The following NHEJ1 variants were observed in gnomAD, a reference collection of about 807,000 sequenced individuals.
NHEJ1 encodes the protein non-homologous end joining factor 1.
NHEJ1 carries 22 observed loss-of-function variants against 39.4 expected under a neutral mutation model. The observed-to-expected ratio is 0.56, with a 90% CI of 0.40 to 0.80. NHEJ1 has a LOEUF of 0.80. NHEJ1 is among the 30% of genes least tolerant of loss of function. The pLI, the probability that NHEJ1 is intolerant of heterozygous loss-of-function variation, is 0.00. For synonymous variants in NHEJ1, 154 were observed against 135.6 expected (o/e 1.14, Z -0.94); for missense variants, 329 against 357.1 (o/e 0.92, Z 0.63).
chr2:219,086,724 G>A (rs1232729112), intron 5 of NHEJ1, among the ~76,000 whole-genome samples: 1 of 152,064 alleles, frequency 6.6e-6, no homozygotes, highest in Non-Finnish European at 1.5e-5. Context: ...TAATGGTAAA[G>A]GGAGTGGAAG....
chr2:219,077,352 G>T lies in NHEJ1; in HGVS notation c.719C>A (p.Thr240Asn), dbSNP rs750621311. 6.2e-7 allele frequency: 1 copy of T among 1,613,104 alleles called. No homozygotes were observed. Among genetic ancestry groups the T allele is most frequent in the Non-Finnish European group, 8.5e-7 (1 of 1,179,066 alleles). ...TCCTTGCAGGGAAGCACTGTTTGAG[G>T]TATGAGGATCTCCTGAAATCAGAAA... ...QKHQGAGDPHTSNSASLQGID... is the reference protein window; with the variant it reads ...QKHQGAGDPHNSNSASLQGID... Residue 240 changes from threonine (T) to asparagine (N), a missense_variant, in exon 7 of 8, where the codon ACC becomes AAC. Transcript: ENST00000356853.
At chr2:219,092,066 G>C (rs774156705) in intron 5 of NHEJ1, among the ~76,000 whole-genome samples, 42 of 152,174 alleles carry the variant, frequency 2.8e-4, no homozygotes, top group Non-Finnish European at 4.1e-4. Context: ...ACAGGTCTAT[G>C]TACAGTCTGC....
At chr2:219,079,964 G>A (rs540432277) in intron 5 of NHEJ1, among the ~76,000 whole-genome samples, 1 of 152,306 alleles carries the variant, frequency 6.6e-6, no homozygotes, top group South Asian at 2.1e-4. Context: ...GGCAGAATGA[G>A]GCAGTCCAGA....
At chr2:219,098,473 A>G (rs1455607953) in intron 5 of NHEJ1, among the ~76,000 whole-genome samples, 1 of 152,246 alleles carries the variant, frequency 6.6e-6, no homozygotes, top group African/African-American at 2.4e-5. Flanking sequence ...AGACAGAGGC[A>G]TGGCTACTTT....
chr2:219,118,053 A>C (rs1949432640), intron 5 of NHEJ1, among the ~76,000 whole-genome samples: 1 of 152,008 alleles, frequency 6.6e-6, no homozygotes, highest in Admixed American at 6.6e-5. Flanking sequence ...CCACTGTTTG[A>C]TCTCCTGGCT....
At chr2:219,157,725 G>T in intron 2 of NHEJ1, 41 bp from the exon 3 acceptor site, 1 of 1,523,686 alleles carries the variant, frequency 6.6e-7, no homozygotes, top group South Asian at 1.2e-5. Flanking sequence ...GTGCTAAAAG[G>T]AAACTAATTC....
chr2:219,126,250 T>A (rs998107165), intron 5 of NHEJ1, among the ~76,000 whole-genome samples: 1 of 152,220 alleles, frequency 6.6e-6, no homozygotes, highest in African/African-American at 2.4e-5. Flanking sequence ...TAAGATAGCA[T>A]GGGATAATGG....
intron 5 of NHEJ1, among the ~76,000 whole-genome samples, chr2:219,134,948 G>A (rs537232827): frequency 1.3e-5 from 2 of 149,608 alleles, no homozygotes; most frequent in East Asian, 3.9e-4. Flanking sequence ...GCTGAGGCAG[G>A]AGAATTGCTT....
At chr2:219,140,205 A>G (rs1472995314) in intron 5 of NHEJ1, among the ~76,000 whole-genome samples, 3 of 152,216 alleles carry the variant, frequency 2.0e-5, no homozygotes, top group African/African-American at 4.8e-5. Context: ...CAGTGGAGTG[A>G]ATGAGGGAGG....
At chr2:219,152,098 G>T (rs1192832259) in intron 3 of NHEJ1, among the ~76,000 whole-genome samples, 2 of 152,134 alleles carry the variant, frequency 1.3e-5, no homozygotes, top group Non-Finnish European at 2.9e-5. Context: ...AATATATGAA[G>T]ATATACAGTT....
intron 3 of NHEJ1, among the ~76,000 whole-genome samples, chr2:219,154,593 C>T (rs995650906): frequency 2.0e-5 from 3 of 152,128 alleles, no homozygotes; most frequent in Admixed American, 1.3e-4. Flanking sequence ...CATCCTTACC[C>T]GTGTCCACTG....
In NHEJ1 at chr2:219,073,737, C is replaced by G. The variant is rs1284548593; in HGVS notation, c.*2644G>C. On this transcript the variant is annotated 3_prime_UTR_variant, in exon 8 of 8. Transcript: ENST00000356853. ...CAATTGAAAGAGTCCCTTCTCCCAC[C>G]AGCCAGCCCTGGCCCCAGCCCCAGC... is the stretch of plus-strand genomic sequence containing the variant. Among the ~76,000 whole-genome samples, 1 of 152,268 alleles carries G rather than the reference C, an allele frequency of 6.6e-6. No homozygotes were observed. The highest frequency in any genetic ancestry group is 2.4e-5 in the African/African-American group (1 of 41,478).
intron 5 of NHEJ1, among the ~76,000 whole-genome samples, chr2:219,100,800 AG>A (rs1949250535): frequency 1.3e-5 from 2 of 152,356 alleles, no homozygotes; most frequent in African/African-American, 4.8e-5. Flanking sequence ...GAAGTAGCAA[AG>A]AACTCTATCA....
intron 3 of NHEJ1, 152 bp from the exon 4 acceptor site, chr2:219,147,947 C>T: frequency 2.7e-6 from 2 of 745,946 alleles, no homozygotes; most frequent in Non-Finnish European, 4.4e-6. Context: ...AATGTAAACA[C>T]AAATACAATA....
At chr2:219,099,741 CGGCAGAAAAGACATGGGAAAA>C (rs372352587) in intron 5 of NHEJ1, among the ~76,000 whole-genome samples, 99 of 151,926 alleles carry the variant, frequency 6.5e-4, no homozygotes, top group African/African-American at 2.3e-3. Context: ...TGTGAGAGTG[CGGCAGAAAAGACATGGGAAAA>C]GGCAGAAAAG....
Position 219,073,573 on chromosome 2 carries a change from T to C in NHEJ1, c.*2808A>G, listed in dbSNP as rs1446782095. 1.3e-5 allele frequency among the ~76,000 whole-genome samples: 2 copies of C among 152,322 alleles called. No individual in the cohort carries two copies. Among genetic ancestry groups the C allele is most frequent in the African/African-American group, 4.8e-5 (2 of 41,578 alleles). Reference sequence around the variant, plus strand: ...CGGCAAGGCCAAGTAGGCCTTGCAATCTAGGTGGCGCTATTTCTCTACTTT... The same window carrying C: ...CGGCAAGGCCAAGTAGGCCTTGCAACCTAGGTGGCGCTATTTCTCTACTTT... On this transcript the variant is annotated 3_prime_UTR_variant, in exon 8 of 8. Coordinates refer to ENST00000356853, the MANE Select transcript of NHEJ1 (RefSeq NM_024782.3).
intron 5 of NHEJ1, among the ~76,000 whole-genome samples, chr2:219,091,687 G>A (rs1302119885): frequency 2.0e-5 from 3 of 152,180 alleles, no homozygotes; most frequent in African/African-American, 7.2e-5. Context: ...AATATATTCT[G>A]CTGCAAACTC....
At chr2:219,103,934 C>T (rs562051860) in intron 5 of NHEJ1, among the ~76,000 whole-genome samples, 1 of 152,166 alleles carries the variant, frequency 6.6e-6, no homozygotes, top group Non-Finnish European at 1.5e-5. Context: ...CCAGGTTTGC[C>T]TAACTCTAGA....
chr2:219,145,932 C>CAA (rs941649705), intron 5 of NHEJ1, among the ~76,000 whole-genome samples: 1 of 121,888 alleles, frequency 8.2e-6, no homozygotes, highest in African/African-American at 3.3e-5. Flanking sequence ...AACTCCATCT[C>CAA]AAAAAAAAAT....
Sources: gnomAD v4.1 joint callset for allele counts (sites outside exome capture counted in the v4.1 genomes callset) on GRCh38, gnomAD v4.1.1 for gene constraint, MANE v1.5 for transcripts, NCBI Gene and HGNC (gene_info 2026-07-23, HGNC 2026-07-21) for gene names.